Variants in ACO1 observed in about 807,000 individuals in gnomAD.
ACO1 encodes the protein cytoplasmic aconitate hydratase.
In ACO1, 78 loss-of-function variants were observed where a neutral mutation model predicts 105.1. The observed-to-expected ratio is 0.74, with a 90% CI of 0.62 to 0.90. The LOEUF (loss-of-function observed/expected upper bound fraction) is 0.90. Among genes scored for constraint, ACO1 ranks in the 40% least tolerant of loss-of-function variants. The pLI is 0.00. For missense variants in ACO1, 965 were observed against 1,111.1 expected, an observed-to-expected ratio of 0.87 and a Z score of 1.87; for synonymous variants, 364 against 397.4, an observed-to-expected ratio of 0.92 and a Z score of 1.00.
intron 3 of ACO1, 138 bp downstream of exon 3, chr9:32,407,567 T>C: frequency 4.9e-6 from 4 of 809,284 alleles, no homozygotes; most frequent in Non-Finnish European, 7.1e-6. Context: ...TATACCCATA[T>C]CCAGACACTT....
chr9:32,408,172 C>G (rs539929435), intron 3 of ACO1, among the ~76,000 whole-genome samples: 1 of 152,222 alleles, frequency 6.6e-6, no homozygotes, highest in Non-Finnish European at 1.5e-5. Context: ...AGGTCTTTGT[C>G]AAGCCACCAT....
At chr9:32,448,770 G>A (rs1481528175) in intron 19 of ACO1, 126 bp from the exon 20 acceptor site, 11 of 929,226 alleles carry the variant, frequency 1.2e-5, no homozygotes, top group Non-Finnish European at 1.9e-5. Flanking sequence ...CAGTCTCACT[G>A]GGAGCTGCAG....
rs79215969 is a variant in ACO1 at position 32,407,208 on chromosome 9, C to G, written c.98-53C>G. On this transcript the variant is annotated intron_variant, in intron 2 of 20. Transcript: ENST00000309951. ...TTATATAGAGATTGGCCTTAAAGAG[C>G]GCTCTTAAGTTGTCTCACAGGTTTT... 1.2e-3 allele frequency: 1,938 copies of G among 1,554,000 alleles called. 8 individuals carry two copies. The African/African-American group carries it at 0.016, about 13-fold the overall frequency.
intron 4 of ACO1, among the ~76,000 whole-genome samples, chr9:32,409,292 G>A (rs1281545008): frequency 6.6e-6 from 1 of 152,234 alleles, no homozygotes; most frequent in African/African-American, 2.4e-5. Context: ...GTTGTCACTT[G>A]AGTTGACTTG....
chr9:32,414,061 G>A (rs62571737), intron 4 of ACO1, among the ~76,000 whole-genome samples: 20,780 of 152,136 alleles, frequency 0.14, 1,847 homozygotes, highest in South Asian at 0.29. Context: ...AGTGAGGCCC[G>A]GGAATGGCGT....
chr9:32,418,641 C>A, intron 6 of ACO1, 130 bp downstream of exon 6: 1 of 1,070,530 alleles, frequency 9.3e-7, no homozygotes, highest in Non-Finnish European at 1.4e-6. Context: ...TTTGTCACTG[C>A]TGTTTTTCCA....
intron 1 of ACO1, among the ~76,000 whole-genome samples, chr9:32,403,377 T>C (rs1454861721): frequency 6.6e-6 from 1 of 152,208 alleles, no homozygotes; most frequent in Non-Finnish European, 1.5e-5. Flanking sequence ...TAGAATTTAC[T>C]TCCTTCATAT....
At chr9:32,435,893 T>G in intron 17 of ACO1, 1 of 378,692 alleles carries the variant, frequency 2.6e-6, no homozygotes, top group Non-Finnish European at 5.2e-6. Flanking sequence ...TTTGCTTCCA[T>G]TTTCTCACTT....
chr9:32,449,971 T>C (rs1554664550), intron 20 of ACO1, 27 bp from the exon 21 acceptor site: 6 of 1,593,392 alleles, frequency 3.8e-6, no homozygotes, highest in South Asian at 2.2e-5. Context: ...CCTCCCTCAA[T>C]GATGCTTCTG....
intron 8 of ACO1, among the ~76,000 whole-genome samples, chr9:32,422,915 G>C (rs984830675): frequency 6.6e-6 from 1 of 152,170 alleles, no homozygotes; most frequent in Non-Finnish European, 1.5e-5. Context: ...GTTGGGATGC[G>C]TTTTAATTTT....
At chr9:32,419,381 C>T (rs1056598007) in intron 7 of ACO1, among the ~76,000 whole-genome samples, 1 of 152,198 alleles carries the variant, frequency 6.6e-6, no homozygotes, top group African/African-American at 2.4e-5. Flanking sequence ...TCTAGTATTG[C>T]TGCATCGATC....
In ACO1 at chr9:32,418,477, T is replaced by C. The variant is rs1471534598; in HGVS notation, c.624T>C (p.Thr208=). ...PDSLVGTDSH[T]TMIDGLGILG... is the part of the protein sequence containing the mutation. ...GCCTCGTGGGCACAGACTCGCACAC[T>C]ACCATGATTGATGGCTTGGGCATTC... The change falls in exon 6 of 21, where the codon ACT becomes ACC. Residue 208 remains threonine, a synonymous_variant. Coordinates refer to ENST00000309951, the MANE Select transcript of ACO1 (RefSeq NM_002197.3). 22 of 1,613,786 alleles carry C rather than the reference T, an allele frequency of 1.4e-5. No individual in the cohort carries two copies. The highest frequency in any genetic ancestry group is 1.7e-5 in the Non-Finnish European group (20 of 1,179,696).
intron 18 of ACO1, among the ~76,000 whole-genome samples, 160 bp from the exon 19 acceptor site, chr9:32,440,304 GA>G (rs1377127281): frequency 6.6e-6 from 1 of 151,918 alleles, no homozygotes; most frequent in Non-Finnish European, 1.5e-5. Context: ...TAATTTGGTA[GA>G]AGTAAAAAGA....
chr9:32,398,718 C>T (rs1424384897), intron 1 of ACO1, among the ~76,000 whole-genome samples: 1 of 152,010 alleles, frequency 6.6e-6, no homozygotes, highest in East Asian at 1.9e-4. Flanking sequence ...CTCAGCCTCT[C>T]GAGTAGCTGG....
chr9:32,436,164 T>A lies in ACO1; in HGVS notation c.2100-86T>A, dbSNP rs1486375435. ...ATAGCCAGGTCTATGTTTTGTTTTGTTTTGTTTTTTTCTTTTCTTGGTGTA... is the reference window on the plus strand; with the variant it reads ...ATAGCCAGGTCTATGTTTTGTTTTGATTTGTTTTTTTCTTTTCTTGGTGTA... On this transcript the variant is annotated intron_variant, in intron 17 of 20. Coordinates refer to ENST00000309951, the MANE Select transcript of ACO1 (RefSeq NM_002197.3). 7.7e-6 allele frequency: 12 copies of A among 1,558,084 alleles called. No individual in the cohort carries two copies. In the Admixed American group the frequency reaches 1.8e-4, roughly 24 times the overall value.
At chr9:32,436,817 A>G (rs1822372067) in intron 18 of ACO1, among the ~76,000 whole-genome samples, 1 of 152,218 alleles carries the variant, frequency 6.6e-6, no homozygotes, top group Admixed American at 6.5e-5. Context: ...TAATGGGAGC[A>G]CTGTGGTCAG....
intron 18 of ACO1, among the ~76,000 whole-genome samples, chr9:32,436,929 G>A (rs903265238): frequency 1.3e-5 from 2 of 152,128 alleles, no homozygotes; most frequent in South Asian, 4.1e-4. Context: ...CACCTGTGAA[G>A]TAAAAATACT....
At chr9:32,385,501 G>A (rs1365832293) in intron 1 of ACO1, among the ~76,000 whole-genome samples, 2 of 152,106 alleles carry the variant, frequency 1.3e-5, no homozygotes, top group Non-Finnish European at 1.5e-5. Context: ...TGAGAAATTT[G>A]TACTATAATA....
At chr9:32,427,623 A>T (rs1004233930) in intron 12 of ACO1, among the ~76,000 whole-genome samples, 187 bp downstream of exon 12, 4 of 152,196 alleles carry the variant, frequency 2.6e-5, no homozygotes, top group African/African-American at 9.7e-5. Context: ...CCTCTAGGGC[A>T]CCTACCATGA....
Sources: allele counts gnomAD v4.1 joint callset (sites outside exome capture counted in the v4.1 genomes callset), GRCh38; gene constraint gnomAD v4.1.1; transcripts MANE v1.5; gene names NCBI Gene and HGNC (gene_info 2026-07-23, HGNC 2026-07-21).